KMT2C: variants seen among roughly 807,000 people sequenced by gnomAD.
The protein encoded by KMT2C is histone-lysine N-methyltransferase 2C.
Under a neutral mutation model 507.9 loss-of-function variants are expected in KMT2C, and 88 were observed. That is an observed-to-expected ratio of 0.17 (90% CI 0.15 to 0.21). The LOEUF is 0.21. Among genes scored for constraint, KMT2C ranks in the 10% least tolerant of loss-of-function variants. The probability of loss-of-function intolerance (pLI) is 1.00; values close to 1 mark genes in which losing one functional copy is unlikely to be tolerated. For synonymous variants in KMT2C, 2,049 were observed against 2,080.8 expected, an observed-to-expected ratio of 0.98 and a Z score of 0.42; for missense variants, 4,954 against 5,957.8, an observed-to-expected ratio of 0.83 and a Z score of 5.55.
intron 3 of KMT2C, among the ~76,000 whole-genome samples, chr7:152,319,699 C>A (rs570707525): frequency 1.9e-4 from 29 of 152,280 alleles, no homozygotes; most frequent in African/African-American, 6.7e-4. Context: ...GCAGTGGTCA[C>A]GCTCCTAGTC....
In KMT2C at chr7:152,435,921, G is replaced by A; in HGVS notation, c.-135C>T. On this transcript the variant is annotated 5_prime_UTR_variant, in exon 1 of 59. Coordinates refer to ENST00000262189, the MANE Select transcript of KMT2C (RefSeq NM_170606.3). ...CCTCTCGCATTTCCCGCAGCCCCGG[G>A]AGCAGCAGCAGGTACCGGGAGAGGC... is the stretch of plus-strand genomic sequence containing the variant. 3.1e-6 allele frequency: 3 copies of A among 964,568 alleles called. No individual in the cohort carries two copies. Among genetic ancestry groups the A allele is most frequent in the Non-Finnish European group, 4.3e-6 (3 of 694,772 alleles). 59.8% of individuals were successfully genotyped at this position (964,568 alleles called of 1,614,324 possible).
At chr7:152,224,351 G>A (rs1392559617) in intron 19 of KMT2C, 84 bp downstream of exon 19, 15 of 1,388,956 alleles carry the variant, frequency 1.1e-5, no homozygotes, top group African/African-American at 1.4e-5. Flanking sequence ...CAATTAAATA[G>A]GTGTGGCTAA....
At chr7:152,234,288 A>C (rs890244117) in intron 16 of KMT2C, among the ~76,000 whole-genome samples, 2 of 152,078 alleles carry the variant, frequency 1.3e-5, no homozygotes, top group African/African-American at 4.8e-5. Flanking sequence ...GGGCTGAGGC[A>C]GGGGAAATCA....
intron 1 of KMT2C, among the ~76,000 whole-genome samples, chr7:152,389,174 G>A (rs111990112): frequency 6.6e-6 from 1 of 151,698 alleles, no homozygotes; most frequent in South Asian, 2.1e-4. Context: ...GAGCCACTGC[G>A]CCCAGCCAAC....
At chr7:152,164,592 A>G (rs142083827) in intron 42 of KMT2C, among the ~76,000 whole-genome samples, 2 of 152,064 alleles carry the variant, frequency 1.3e-5, no homozygotes, top group African/African-American at 4.8e-5. Context: ...CCCGGCCTGT[A>G]CAACATTTTA....
At chr7:152,364,090 A>G (rs150794111) in intron 1 of KMT2C, among the ~76,000 whole-genome samples, 10 of 152,356 alleles carry the variant, frequency 6.6e-5, no homozygotes, top group Middle Eastern at 3.4e-3. Flanking sequence ...GAGCTGACAA[A>G]TAAGTCTCAA....
intron 2 of KMT2C, among the ~76,000 whole-genome samples, chr7:152,352,331 T>A (rs1440658874): frequency 1.3e-5 from 2 of 152,154 alleles, no homozygotes; most frequent in African/African-American, 4.8e-5. Flanking sequence ...TGCCCGAAAC[T>A]TCATTACCAA....
intron 16 of KMT2C, among the ~76,000 whole-genome samples, chr7:152,234,030 A>T (rs1008440880): frequency 6.6e-6 from 1 of 151,878 alleles, no homozygotes; most frequent in East Asian, 1.9e-4. Context: ...AGCTACTCAG[A>T]AGGCTGAGGC....
At position 152,181,666 on chromosome 7, in the gene KMT2C, C is replaced by T; in HGVS notation, c.6194G>A (p.Arg2065Lys). ...TTCATAAGGGTCAACAGACAATCGC[C>T]TTGATGCCTGTGACACTGATCCATA... ...DPYGSVSQAS[R>K]RLSVDPYERP... Residue 2065 changes from arginine to lysine, a missense_variant, in exon 36 of 59, where the codon AGG becomes AAG. Physicochemically the swap from Arg to Lys is conservative, Grantham distance 26. Coordinates refer to ENST00000262189, the MANE Select transcript of KMT2C (RefSeq NM_170606.3). 2 of 1,614,012 alleles carry T rather than the reference C, an allele frequency of 1.2e-6. No homozygotes were observed. Among genetic ancestry groups the T allele is most frequent in the South Asian group, 1.1e-5 (1 of 91,070 alleles).
intron 27 of KMT2C, among the ~76,000 whole-genome samples, chr7:152,197,155 A>G (rs1342527432): frequency 6.6e-6 from 1 of 152,208 alleles, no homozygotes; most frequent in Non-Finnish European, 1.5e-5. Flanking sequence ...AGGTGATGAC[A>G]GCACCAGGGT....
At chr7:152,273,059 A>C (rs1324607959) in intron 7 of KMT2C, among the ~76,000 whole-genome samples, 2 of 152,142 alleles carry the variant, frequency 1.3e-5, no homozygotes, top group Non-Finnish European at 2.9e-5. Flanking sequence ...AAAAGGAGAG[A>C]TCTCTATTTA....
At chr7:152,384,558 C>T (rs10278936) in intron 1 of KMT2C, among the ~76,000 whole-genome samples, 14,612 of 77,872 alleles carry the variant, frequency 0.19, 1,142 homozygotes, top group African/African-American at 0.38. Flanking sequence ...ACACCACCAC[C>T]ACCACCACCA....
Position 152,307,211 on chromosome 7 carries a change from AAGG to A in KMT2C, c.849+2752_849+2754del, listed in dbSNP as rs759594756. ...AAGAAGAGGGAGGAAGGAAGGAAGG[AAGG>A]AAGGAAGGAAGGAAGGAAGGAAGGA... is the stretch of plus-strand genomic sequence containing the variant. On this transcript the variant is annotated intron_variant, in intron 6 of 58. Coordinates refer to ENST00000262189, the MANE Select transcript of KMT2C (RefSeq NM_170606.3). Among the ~76,000 whole-genome samples, 1,103 of 120,772 alleles carry A rather than the reference AAGG, an allele frequency of 9.1e-3. 16 individuals carry two copies. The highest frequency in any genetic ancestry group is 0.014 in the Non-Finnish European group (810 of 59,944). The allele number at this position is 120,772 out of a possible 152,430, so 79.2% of individuals were successfully genotyped here. A position where few individuals can be genotyped will look rare whatever the true frequency, so the allele number is the denominator to read the frequency against.
At chr7:152,360,082 G>T (rs1019419462) in intron 1 of KMT2C, among the ~76,000 whole-genome samples, 1 of 68,606 alleles carries the variant, frequency 1.5e-5, no homozygotes, top group Non-Finnish European at 2.6e-5. Context: ...GTGGGGGGGG[G>T]GGGACAATAT....
chr7:152,236,323 G>A (rs200260941), intron 15 of KMT2C, among the ~76,000 whole-genome samples: 3 of 152,116 alleles, frequency 2.0e-5, no homozygotes, highest in South Asian at 2.1e-4. Context: ...CTGGTCTCGC[G>A]GTGATTACAA....
intron 1 of KMT2C, among the ~76,000 whole-genome samples, chr7:152,375,723 C>T (rs1162970668): frequency 2.0e-5 from 3 of 152,122 alleles, no homozygotes; most frequent in African/African-American, 7.2e-5. Flanking sequence ...GCAGCATGCA[C>T]TCACTTTGTG....
At chr7:152,292,322 T>G (rs1227371328) in intron 6 of KMT2C, among the ~76,000 whole-genome samples, 2 of 152,144 alleles carry the variant, frequency 1.3e-5, no homozygotes, top group Non-Finnish European at 2.9e-5. Flanking sequence ...GGGCAATATG[T>G]GTGGCGCGCA....
At chr7:152,194,647 TTAGTATA>T (rs1438573422) in intron 28 of KMT2C, 79 bp from the exon 29 acceptor site, 8 of 1,054,184 alleles carry the variant, frequency 7.6e-6, no homozygotes, top group African/African-American at 4.8e-5. Flanking sequence ...TTACCTGTAC[TTAGTATA>T]TAACAATATG....
At chr7:152,337,092 C>A (rs1419759910) in intron 2 of KMT2C, among the ~76,000 whole-genome samples, 1 of 152,114 alleles carries the variant, frequency 6.6e-6, no homozygotes, top group African/African-American at 2.4e-5. Flanking sequence ...CAAGACCAGC[C>A]TGGGCAACAT....
Sources: allele counts gnomAD v4.1 joint callset (sites outside exome capture counted in the v4.1 genomes callset), GRCh38; gene constraint gnomAD v4.1.1; transcripts MANE v1.5; gene names NCBI Gene and HGNC (gene_info 2026-07-23, HGNC 2026-07-21).